HAGHL: variants seen among roughly 807,000 people sequenced by gnomAD.
HAGHL encodes hydroxyacylglutathione hydrolase like.
HAGHL carries 27 observed loss-of-function variants against 29.2 expected under a neutral mutation model. That is an observed-to-expected ratio of 0.92 (90% CI 0.68 to 1.27). The LOEUF is 1.27. Among genes scored for constraint, HAGHL ranks in the 50% most tolerant of loss-of-function variants. The probability of loss-of-function intolerance (pLI) is 0.00; values close to 1 mark genes in which losing one functional copy is unlikely to be tolerated. For missense variants in HAGHL, 529 were observed against 405.5 expected (o/e 1.30, Z -2.62); for synonymous variants, 223 against 185.7 (o/e 1.20, Z -1.63).
rs199866266 is a variant in HAGHL, at chr16:729,296, C to T, written c.689C>T (p.Pro230Leu). The T allele has an allele frequency of 6.6e-6, 10 of 1,524,482 alleles. No individual in the cohort carries two copies. The Admixed American group carries it at 6.6e-5, about 10-fold the overall frequency. The allele number at this position is 1,524,482 out of a possible 1,614,324, so 94.4% of individuals were successfully genotyped here. Residue 230 changes from proline (P) to leucine (L), a missense_variant, in exon 8 of 8, where the codon CCG (proline) becomes CTG (leucine). By Grantham distance (98) the Pro-to-Leu change is moderately conservative (BLOSUM62 -3). Transcript: ENST00000389703. Reference protein sequence around the residue: ...YNPFLRVAEEPVRKFTGKAVP... With the variant: ...YNPFLRVAEELVRKFTGKAVP... ...TGCACCCCTCCCTGCAGAGAGGAGC[C>T]GGTGCGCAAGTTCACGGGCAAGGCG...
chr16:728,927 T>C (rs1258130283), intron 6 of HAGHL, 32 bp downstream of exon 6: 2 of 235,972 alleles, frequency 8.5e-6, no homozygotes, highest in South Asian at 9.1e-5. Context: ...GGCAAGAGGG[T>C]GGGGGGGGAG....
chr16:728,821 C>T lies in HAGHL; in HGVS notation c.526C>T (p.Leu176Phe), dbSNP rs768736232. The change falls in exon 6 of 8, where the codon CTT (leucine) becomes TTT (phenylalanine). Residue 176 changes from leucine to phenylalanine, a missense_variant. By Grantham distance (22) the Leu-to-Phe change is conservative. Coordinates refer to ENST00000389703, the MANE Select transcript of HAGHL (RefSeq NM_032304.4). The part of the protein sequence containing the change: ...TKVFCGHEHT[L>F]SNLEFAQKVE... The stretch of plus-strand genomic sequence containing the variant: ...GGTGTTCTGCGGCCACGAGCACACG[C>T]TTAGCAACCTGGAGTTTGCCCAGAA... 4 of 1,612,000 alleles carry T rather than the reference C, an allele frequency of 2.5e-6. No individual in the cohort carries two copies. Among genetic ancestry groups the T allele is most frequent in the African/African-American group, 1.3e-5 (1 of 74,930 alleles).
rs1383271504 is a variant in HAGHL at position 728,603 on chromosome 16, C to T, written c.497C>T (p.Thr166Met). ...LAELGTLPPETKVFCGHEHTL... is the reference protein window; with the variant it reads ...LAELGTLPPEMKVFCGHEHTL... The stretch of plus-strand genomic sequence containing the variant: ...GAGCTGGGTACCCTGCCCCCCGAGA[C>T]GGTGAGCGGGCCTGGGCCCTCCCCT... Residue 166 changes from threonine (T) to methionine (M), a missense_variant and splice_region_variant, in exon 5 of 8, where the codon ACG becomes ATG. Thr to Met is a moderately conservative substitution (Grantham distance 81). Coordinates refer to ENST00000389703, the MANE Select transcript of HAGHL (RefSeq NM_032304.4). The T allele has an allele frequency of 1.3e-6, 2 of 1,487,720 alleles. No homozygotes were observed. Among genetic ancestry groups the T allele is most frequent in the Non-Finnish European group, 1.8e-6 (2 of 1,117,360 alleles). The allele number at this position is 1,487,720 out of a possible 1,614,324, so 92.2% of individuals were successfully genotyped here.
chr16:729,131 C>A (rs1425522201), intron 7 of HAGHL, 43 bp downstream of exon 7: 2 of 1,601,190 alleles, frequency 1.2e-6, no homozygotes. Flanking sequence ...GTTACGTGGA[C>A]CCTTAGGAAG....
chr16:729,192 G>A (rs775899054), intron 7 of HAGHL, 96 bp from the exon 8 acceptor site: 1 of 1,565,568 alleles, frequency 6.4e-7, no homozygotes, highest in Non-Finnish European at 8.6e-7. Flanking sequence ...GCTTGGGGGA[G>A]GCTGCTCATT....
In HAGHL at chr16:727,545, C is replaced by G; in HGVS notation, c.36C>G (p.Asn12Lys). The G allele has an allele frequency of 6.2e-7, 1 of 1,611,894 alleles. No individual in the cohort carries two copies. Among genetic ancestry groups the G allele is most frequent in the South Asian group, 1.1e-5 (1 of 90,976 alleles). The change falls in exon 1 of 8, where the codon AAC becomes AAG. Residue 12 changes from asparagine to lysine, a missense_variant. Asn to Lys is a moderately conservative substitution (Grantham distance 94). Transcript: ENST00000389703. The part of the protein sequence containing the change: ...KVKVIPVLED[N>K]YMYLVIEELT... ...AGGTCATCCCCGTGCTCGAGGACAA[C>G]TACATGTACCTGGTCATCGAGGAGC...
At position 728,996 on chromosome 16, in the gene HAGHL, G is replaced by A; in HGVS notation, c.601-13G>A. ...CAAGGCCTAATGGTGACCGGGGCCT[G>A]TGGTCACTCCAGAAGAGGGATGAGG... On this transcript the variant is annotated splice_polypyrimidine_tract_variant and intron_variant, in intron 6 of 7. Transcript: ENST00000389703. The A allele has an allele frequency of 6.2e-7, 1 of 1,604,820 alleles. No individual in the cohort carries two copies. The highest frequency in any genetic ancestry group is 8.5e-7 in the Non-Finnish European group (1 of 1,176,706).
At position 729,429 on chromosome 16, in the gene HAGHL, G is replaced by T; in HGVS notation, c.822G>T (p.Gly274=). The T allele has an allele frequency of 6.5e-7, 1 of 1,532,590 alleles. No individual in the cohort carries two copies. The highest frequency in any genetic ancestry group is 1.4e-5 in the African/African-American group (1 of 72,500). The allele number at this position is 1,532,590 out of a possible 1,614,324, so 94.9% of individuals were successfully genotyped here. A position where few individuals can be genotyped will look rare whatever the true frequency, so the allele number is the denominator to read the frequency against. ...QARALLALQW[G]LLSAAPHD The stretch of plus-strand genomic sequence containing the variant: ...GGGCCCTCCTTGCGCTGCAGTGGGG[G>T]CTCCTGAGTGCAGCCCCACACGACT... Residue 274 remains glycine, a synonymous_variant, in exon 8 of 8, where the codon GGG becomes GGT. Coordinates refer to ENST00000389703, the MANE Select transcript of HAGHL (RefSeq NM_032304.4).
rs763399649 is a variant in HAGHL at position 728,411 on chromosome 16, C to T, written c.384C>T (p.Pro128=). Residue 128 remains proline, a synonymous_variant, in exon 4 of 8, where the codon CCC becomes CCT. Transcript: ENST00000389703. ...FLWEDDCPDP[P]ALFSGDALSV... The stretch of plus-strand genomic sequence containing the variant: ...GGGAGGACGATTGCCCGGACCCACC[C>T]GCCCTGTTCTCGGGTACCCGCAGCG... 1 of 1,558,410 alleles carries T rather than the reference C, an allele frequency of 6.4e-7. No homozygotes were observed.
intron 1 of HAGHL, 31 bp downstream of exon 1, chr16:727,645 G>A (rs899965244): frequency 1.5e-5 from 22 of 1,464,694 alleles, no homozygotes; most frequent in Non-Finnish European, 2.0e-5. Flanking sequence ...GCAGGGACCC[G>A]GCCGTGTCCC....
chr16:727,754 C>G, intron 1 of HAGHL, 140 bp downstream of exon 1: 2 of 724,114 alleles, frequency 2.8e-6, no homozygotes, highest in Non-Finnish European at 4.6e-6. Flanking sequence ...TCTTGGGGCT[C>G]CCTGAAGTTA....
At chr16:729,142 G>A (rs868211655) in intron 7 of HAGHL, 54 bp downstream of exon 7, 1 of 1,596,364 alleles carries the variant, frequency 6.3e-7, no homozygotes, top group Non-Finnish European at 8.5e-7. Context: ...CCTTAGGAAG[G>A]CATCTGGGGA....
chr16:728,547 C>T lies in HAGHL; in HGVS notation c.441C>T (p.Gly147=). 6.6e-7 allele frequency: 1 copy of T among 1,525,466 alleles called. No homozygotes were observed. Among genetic ancestry groups the T allele is most frequent in the East Asian group, 2.4e-5 (1 of 40,838 alleles). 94.5% of individuals were successfully genotyped at this position (1,525,466 alleles called of 1,614,324 possible). A position where few individuals can be genotyped will look rare whatever the true frequency, so the allele number is the denominator to read the frequency against. Residue 147 remains glycine, a synonymous_variant, in exon 5 of 8, where the codon GGC becomes GGT. Transcript: ENST00000389703. ...CCGGCTGCGGCTCGTGCCTGGAGGG[C>T]AGCGCCCAGCAGATGTACCAGAGCC... The part of the protein sequence containing the change: ...SVAGCGSCLE[G]SAQQMYQSLA...
intron 1 of HAGHL, 135 bp from the exon 2 acceptor site, chr16:727,830 C>T: frequency 1.0e-6 from 1 of 998,240 alleles, no homozygotes; most frequent in Non-Finnish European, 1.5e-6. Context: ...GGCGCAGTCA[C>T]CGCCCGCTGG....
At chr16:728,926 G>GA in intron 6 of HAGHL, 31 bp downstream of exon 6, 1 of 1,255,744 alleles carries the variant, frequency 8.0e-7, no homozygotes, top group Non-Finnish European at 1.1e-6. Context: ...CGGCAAGAGG[G>GA]TGGGGGGGGA....
rs1221746932 is a variant in HAGHL at position 727,949 on chromosome 16, C to T, written c.106-16C>T. On this transcript the variant is annotated splice_polypyrimidine_tract_variant and intron_variant, in intron 1 of 7. Coordinates refer to ENST00000389703, the MANE Select transcript of HAGHL (RefSeq NM_032304.4). Reference sequence around the variant, plus strand: ...ACCGGGACCGTCTGTGTTACCGTCACTCCCGTCCCTTTCAGCTGCTGGAGA... The same window carrying T: ...ACCGGGACCGTCTGTGTTACCGTCATTCCCGTCCCTTTCAGCTGCTGGAGA... 2 of 1,604,638 alleles carry T rather than the reference C, an allele frequency of 1.2e-6. No homozygotes were observed. The highest frequency in any genetic ancestry group is 1.3e-5 in the African/African-American group (1 of 74,406).
rs1156551387 is a variant in HAGHL at position 728,546 on chromosome 16, G to A, written c.440G>A (p.Gly147Asp). Reference protein sequence around the residue: ...SVAGCGSCLEGSAQQMYQSLA... With the variant: ...SVAGCGSCLEDSAQQMYQSLA... ...GCCGGCTGCGGCTCGTGCCTGGAGG[G>A]CAGCGCCCAGCAGATGTACCAGAGC... The change falls in exon 5 of 8, where the codon GGC becomes GAC. Residue 147 changes from glycine (G) to aspartate (D), a missense_variant. By Grantham distance (94) the Gly-to-Asp change is moderately conservative (BLOSUM62 -1). Coordinates refer to ENST00000389703, the MANE Select transcript of HAGHL (RefSeq NM_032304.4). The A allele has an allele frequency of 3.9e-6, 6 of 1,525,884 alleles. No individual in the cohort carries two copies. The highest frequency in any genetic ancestry group is 3.5e-6 in the Non-Finnish European group (4 of 1,142,778). The allele number at this position is 1,525,884 out of a possible 1,614,324, so 94.5% of individuals were successfully genotyped here.
In HAGHL at chr16:728,186, C is replaced by G. The variant is rs1404152245; in HGVS notation, c.241C>G (p.Arg81Gly). 6 of 1,454,606 alleles carry G rather than the reference C, an allele frequency of 4.1e-6. No individual in the cohort carries two copies. The highest frequency in any genetic ancestry group is 9.0e-7 in the Non-Finnish European group (1 of 1,114,128). The allele number at this position is 1,454,606 out of a possible 1,614,324, so 90.1% of individuals were successfully genotyped here. A position where few individuals can be genotyped will look rare whatever the true frequency, so the allele number is the denominator to read the frequency against. The change falls in exon 3 of 8, where the codon CGC (arginine) becomes GGC (glycine). Residue 81 changes from arginine (R) to glycine (G), a missense_variant. Coordinates refer to ENST00000389703, the MANE Select transcript of HAGHL (RefSeq NM_032304.4). The stretch of plus-strand genomic sequence containing the variant: ...GCTGGCGGTGCTGGGCGCGGACGAG[C>G]GCATCTTCTCGCTGACGCGCAGGCT... ...PGLAVLGADERIFSLTRRLAH... is the reference protein window; with the variant it reads ...PGLAVLGADEGIFSLTRRLAH...
In HAGHL at chr16:728,221, C is replaced by T; in HGVS notation, c.276C>T (p.Gly92=). 6.8e-7 allele frequency: 1 copy of T among 1,463,224 alleles called. No homozygotes were observed. Among genetic ancestry groups the T allele is most frequent in the Admixed American group, 2.5e-5 (1 of 39,734 alleles). The allele number at this position is 1,463,224 out of a possible 1,614,324, so 90.6% of individuals were successfully genotyped here. A position where few individuals can be genotyped will look rare whatever the true frequency, so the allele number is the denominator to read the frequency against. The change falls in exon 3 of 8, where the codon GGC becomes GGT. Residue 92 remains glycine, a synonymous_variant. Coordinates refer to ENST00000389703, the MANE Select transcript of HAGHL (RefSeq NM_032304.4). ...CGCTGACGCGCAGGCTGGCGCACGGCGAGGAGCTGCGGGTGAGCGCGCGCT... is the reference window on the plus strand; with the variant it reads ...CGCTGACGCGCAGGCTGGCGCACGGTGAGGAGCTGCGGGTGAGCGCGCGCT... ...IFSLTRRLAH[G]EELRFGAIHV...
Sources: allele counts gnomAD v4.1 joint callset, GRCh38; gene constraint gnomAD v4.1.1; transcripts MANE v1.5; gene names NCBI Gene and HGNC (gene_info 2026-07-23, HGNC 2026-07-21).